Variants in MICU1 observed in about 807,000 individuals in gnomAD.
MICU1 encodes the protein mitochondrial calcium uptake 1.
MICU1 carries 45 observed loss-of-function variants against 56.8 expected under a neutral mutation model. The ratio of observed to expected loss-of-function variants is 0.79; its 90% confidence interval spans 0.62 to 1.02. The LOEUF is 1.02. Ranked by LOEUF, MICU1 falls within the 50% of genes least tolerant of loss-of-function variation. MICU1 has a pLI of 0.00. For missense variants in MICU1, 504 were observed against 587.1 expected, an observed-to-expected ratio of 0.86 and a Z score of 1.46; for synonymous variants, 186 against 195.1, an observed-to-expected ratio of 0.95 and a Z score of 0.39.
intron 8 of MICU1, among the ~76,000 whole-genome samples, chr10:72,435,573 G>A (rs1204239496): frequency 6.6e-6 from 1 of 152,124 alleles, no homozygotes; most frequent in African/African-American, 2.4e-5. Context: ...AGGACGAGCT[G>A]AAGCAGGGCG....
chr10:72,498,274 T>A (rs551549409), intron 6 of MICU1, among the ~76,000 whole-genome samples: 1 of 152,222 alleles, frequency 6.6e-6, no homozygotes, highest in Admixed American at 6.5e-5. Context: ...CTCCCACTGA[T>A]AAATGAGGCC....
At chr10:72,382,005 C>CACACACAT (rs1491080424) in intron 10 of MICU1, among the ~76,000 whole-genome samples, 1 of 143,020 alleles carries the variant, frequency 7.0e-6, no homozygotes, top group Non-Finnish European at 1.5e-5. Flanking sequence ...CACACACACA[C>CACACACAT]ATTAAGATGG....
chr10:72,580,473 A>T (rs4745704), intron 1 of MICU1, among the ~76,000 whole-genome samples: 51,793 of 149,776 alleles, frequency 0.35, 10,069 homozygotes, highest in East Asian at 0.86. Context: ...TTAATTAATT[A>T]ATTTATTTAT....
At chr10:72,543,624 G>C (rs978617637) in intron 4 of MICU1, among the ~76,000 whole-genome samples, 5 of 152,178 alleles carry the variant, frequency 3.3e-5, no homozygotes, top group Non-Finnish European at 7.4e-5. Flanking sequence ...GGGAGGCTGA[G>C]GTGGGCAGAT....
chr10:72,375,736 G>C (rs1862494644), intron 11 of MICU1, 47 bp downstream of exon 11: 1 of 1,563,452 alleles, frequency 6.4e-7, no homozygotes, highest in African/African-American at 1.4e-5. Context: ...GGGCCTCTAA[G>C]GGCAGCTAGG....
intron 11 of MICU1, among the ~76,000 whole-genome samples, chr10:72,371,652 G>A (rs1862345166): frequency 6.6e-6 from 1 of 152,174 alleles, no homozygotes. Context: ...GCTGAAGCAG[G>A]AGAATTGCTT....
chr10:72,401,293 T>C (rs1186138957), intron 10 of MICU1, among the ~76,000 whole-genome samples: 1 of 152,234 alleles, frequency 6.6e-6, no homozygotes, highest in Non-Finnish European at 1.5e-5. Flanking sequence ...ATTTAAAGTA[T>C]ACAATGTGAT....
intron 9 of MICU1, among the ~76,000 whole-genome samples, chr10:72,417,571 T>C (rs1474747530): frequency 6.6e-6 from 1 of 152,244 alleles, no homozygotes; most frequent in Admixed American, 6.5e-5. Flanking sequence ...GTTATAATTT[T>C]CAATTTCATC....
At chr10:72,523,929 A>G (rs1441447760) in intron 5 of MICU1, 10 of 1,482,178 alleles carry the variant, frequency 6.7e-6, no homozygotes, top group Admixed American at 2.3e-5. Flanking sequence ...GCAAAATAAT[A>G]AAGTCTTTCT....
At chr10:72,557,781 T>C (rs1257300382) in intron 3 of MICU1, among the ~76,000 whole-genome samples, 1 of 152,210 alleles carries the variant, frequency 6.6e-6, no homozygotes, top group Non-Finnish European at 1.5e-5. Context: ...TATAAATATA[T>C]ACTATGGCAC....
At chr10:72,492,412 T>C (rs1034611082) in intron 6 of MICU1, among the ~76,000 whole-genome samples, 1 of 152,144 alleles carries the variant, frequency 6.6e-6, no homozygotes, top group Non-Finnish European at 1.5e-5. Context: ...GATTACTTCA[T>C]GGTAGAATTG....
At chr10:72,462,310 C>T (rs1425044371) in intron 8 of MICU1, among the ~76,000 whole-genome samples, 3 of 149,940 alleles carry the variant, frequency 2.0e-5, no homozygotes, top group Non-Finnish European at 4.4e-5. Context: ...TTGACCTCCT[C>T]GGACTCAGGT....
intron 1 of MICU1, among the ~76,000 whole-genome samples, chr10:72,617,598 G>A (rs888703369): frequency 7.2e-5 from 11 of 152,070 alleles, no homozygotes; most frequent in East Asian, 1.9e-4. Flanking sequence ...TTGGGAGGCC[G>A]AGGCGGCAGG....
In MICU1 at chr10:72,522,604, C is replaced by T. The variant is rs535419834; in HGVS notation, c.537+11142G>A. 7.9e-5 allele frequency among the ~76,000 whole-genome samples: 12 copies of T among 152,210 alleles called. No individual in the cohort carries two copies. In the East Asian group the frequency reaches 1.7e-3, roughly 22 times the overall value. Reference sequence around the variant, plus strand: ...GTGGAACTCAGAGACTGGAAAGAGACATTATGGATACTCCTCACAGCAGTC... The same window carrying T: ...GTGGAACTCAGAGACTGGAAAGAGATATTATGGATACTCCTCACAGCAGTC... On this transcript the variant is annotated intron_variant, in intron 5 of 11. Coordinates refer to ENST00000361114, the MANE Select transcript of MICU1 (RefSeq NM_001195518.2).
chr10:72,536,648 G>A (rs1839645083), intron 4 of MICU1, among the ~76,000 whole-genome samples: 2 of 151,970 alleles, frequency 1.3e-5, no homozygotes, highest in Non-Finnish European at 1.5e-5. Flanking sequence ...ACCGTGCCCA[G>A]ACAAAAATAA....
chr10:72,548,251 T>C (rs1039329277), intron 4 of MICU1, among the ~76,000 whole-genome samples: 2 of 151,922 alleles, frequency 1.3e-5, no homozygotes, highest in South Asian at 2.1e-4. Flanking sequence ...AGGCATAAAA[T>C]ATGTCTCACA....
chr10:72,565,112 C>T, intron 2 of MICU1, among the ~76,000 whole-genome samples: 1 of 149,150 alleles, frequency 6.7e-6, no homozygotes, highest in Non-Finnish European at 1.5e-5. Context: ...GAAACCCTAT[C>T]TCTACTAAAA....
At chr10:72,414,169 G>T (rs1863911225) in intron 9 of MICU1, among the ~76,000 whole-genome samples, 1 of 152,156 alleles carries the variant, frequency 6.6e-6, no homozygotes, top group Non-Finnish European at 1.5e-5. Flanking sequence ...GGACTTGTAC[G>T]CAATGTTCAC....
intron 10 of MICU1, among the ~76,000 whole-genome samples, chr10:72,395,767 A>C (rs1431020533): frequency 6.6e-6 from 1 of 152,188 alleles, no homozygotes; most frequent in East Asian, 1.9e-4. Context: ...TAGGTAAACA[A>C]AGCAGCTGGG....
Sources: gnomAD v4.1 joint callset for allele counts (sites outside exome capture counted in the v4.1 genomes callset) on GRCh38, gnomAD v4.1.1 for gene constraint, MANE v1.5 for transcripts, NCBI Gene and HGNC (gene_info 2026-07-23, HGNC 2026-07-21) for gene names.